SPAG16: variants seen among roughly 807,000 people sequenced by gnomAD.
SPAG16 encodes sperm associated antigen 16, also known as sperm-associated antigen 16 protein.
A neutral mutation model predicts 80.4 loss-of-function variants in SPAG16; 86 were observed. That is an observed-to-expected ratio of 1.07 (90% CI 0.90 to 1.28). The LOEUF (loss-of-function observed/expected upper bound fraction) is 1.28, where lower values mean the gene tolerates loss of function less well. SPAG16 is among the 50% of genes most tolerant of loss of function. SPAG16 has a pLI of 0.00. For synonymous variants in SPAG16, 294 were observed against 265.9 expected, an observed-to-expected ratio of 1.11 and a Z score of -1.03; for missense variants, 870 against 765.3, an observed-to-expected ratio of 1.14 and a Z score of -1.61.
chr2:213,677,694 C>T (rs534771354), intron 10 of SPAG16, among the ~76,000 whole-genome samples: 11 of 152,230 alleles, frequency 7.2e-5, no homozygotes, highest in Non-Finnish European at 1.0e-4. Context: ...CCACTGTCAA[C>T]GTTAGACAGA....
chr2:213,362,406 T>C (rs1257070514), intron 7 of SPAG16, among the ~76,000 whole-genome samples: 2 of 152,176 alleles, frequency 1.3e-5, no homozygotes, highest in East Asian at 3.9e-4. Context: ...AACTCAGCTG[T>C]TGAGTGTTGG....
At chr2:213,674,146 C>T (rs2063935094) in intron 10 of SPAG16, among the ~76,000 whole-genome samples, 2 of 152,074 alleles carry the variant, frequency 1.3e-5, no homozygotes, top group Non-Finnish European at 2.9e-5. Flanking sequence ...GACCGACCTG[C>T]TGAAGTAAAA....
chr2:214,085,449 T>C (rs984655618), intron 13 of SPAG16, among the ~76,000 whole-genome samples: 63 of 112,172 alleles, frequency 5.6e-4, no homozygotes, highest in South Asian at 2.9e-4. Flanking sequence ...AGTCTCCATA[T>C]GTTGGTATGG....
intron 9 of SPAG16, among the ~76,000 whole-genome samples, chr2:213,377,929 A>T (rs2066974535): frequency 1.3e-5 from 2 of 149,912 alleles, no homozygotes; most frequent in African/African-American, 4.9e-5. Flanking sequence ...CTTTAGAAGG[A>T]TAGAACTAAT....
intron 10 of SPAG16, among the ~76,000 whole-genome samples, chr2:213,587,173 A>C (rs758347480): frequency 1.3e-5 from 2 of 152,134 alleles, no homozygotes; most frequent in Admixed American, 1.3e-4. Flanking sequence ...GACTCTGACA[A>C]TGAGGCAATT....
chr2:213,940,660 A>T (rs1282997006), intron 12 of SPAG16, among the ~76,000 whole-genome samples: 1 of 151,558 alleles, frequency 6.6e-6, no homozygotes, highest in Non-Finnish European at 1.5e-5. Context: ...TAACTTCACT[A>T]CTTTACATAC....
At chr2:214,013,572 A>G (rs1005008433) in intron 12 of SPAG16, among the ~76,000 whole-genome samples, 2 of 152,158 alleles carry the variant, frequency 1.3e-5, no homozygotes, top group African/African-American at 4.8e-5. Flanking sequence ...CGGAGAAGCA[A>G]TTAAGAAAAG....
At chr2:213,889,622 T>TATATAC (rs900446259) in intron 11 of SPAG16, among the ~76,000 whole-genome samples, 1 of 150,148 alleles carries the variant, frequency 6.7e-6, no homozygotes, top group African/African-American at 2.4e-5. Flanking sequence ...ACAAAATATA[T>TATATAC]ATATACATAT....
At position 213,489,538 on chromosome 2, in the gene SPAG16, C is replaced by T. The variant is rs114809702; in HGVS notation, c.943-425C>T. 5.4e-3 allele frequency among the ~76,000 whole-genome samples: 828 copies of T among 152,148 alleles called. 5 individuals are homozygous for T. Among genetic ancestry groups the T allele is most frequent in the Non-Finnish European group, 7.6e-3 (519 of 68,016 alleles). The stretch of plus-strand genomic sequence containing the variant: ...CAATTAGCAAATGTTAACTTTGTTA[C>T]CCAATGAAAGTGTTTTTAGTCGGCC... On this transcript the variant is annotated intron_variant, in intron 9 of 15. Transcript: ENST00000331683.
chr2:214,324,951 A>C (rs1696371063), intron 15 of SPAG16, among the ~76,000 whole-genome samples: 1 of 152,262 alleles, frequency 6.6e-6, no homozygotes, highest in Non-Finnish European at 1.5e-5. Flanking sequence ...CATGTCATAA[A>C]TGACCATCTG....
intron 10 of SPAG16, among the ~76,000 whole-genome samples, chr2:213,834,063 C>G (rs141935787): frequency 8.1e-4 from 124 of 152,200 alleles, no homozygotes; most frequent in African/African-American, 2.9e-3. Context: ...GTCTCATGAG[C>G]TCTGATGGGT....
intron 9 of SPAG16, among the ~76,000 whole-genome samples, chr2:213,422,946 C>A (rs1020784338): frequency 5.9e-5 from 9 of 152,316 alleles, no homozygotes; most frequent in Admixed American, 4.6e-4. Flanking sequence ...CTTCCCTGCC[C>A]TAGCAGGGAT....
At chr2:213,736,411 C>G (rs1464322291) in intron 10 of SPAG16, among the ~76,000 whole-genome samples, 1 of 151,948 alleles carries the variant, frequency 6.6e-6, no homozygotes, top group East Asian at 1.9e-4. Context: ...TTTCAGCCTT[C>G]CAAGTAGCTG....
chr2:213,804,682 CAACT>C (rs75058174), intron 10 of SPAG16, among the ~76,000 whole-genome samples: 38,635 of 148,552 alleles, frequency 0.26, 5,216 homozygotes, highest in Admixed American at 0.34. Flanking sequence ...GACTCCGTCT[CAACT>C]AACTAACTAA....
chr2:213,485,152 G>A (rs921428502), intron 9 of SPAG16, among the ~76,000 whole-genome samples: 1 of 151,874 alleles, frequency 6.6e-6, no homozygotes, highest in Admixed American at 6.6e-5. Context: ...GAGCCACCAT[G>A]CCTGGCTAAT....
chr2:213,886,244 A>C (rs1316794582), intron 11 of SPAG16, among the ~76,000 whole-genome samples: 1 of 152,142 alleles, frequency 6.6e-6, no homozygotes, highest in Admixed American at 6.6e-5. Flanking sequence ...GGAGAAAATT[A>C]GAGTAATATT....
At chr2:214,094,657 A>G (rs1205713521) in intron 13 of SPAG16, among the ~76,000 whole-genome samples, 3 of 152,138 alleles carry the variant, frequency 2.0e-5, no homozygotes, top group African/African-American at 7.2e-5. Flanking sequence ...CACAGAACTT[A>G]CACAATTTGT....
intron 10 of SPAG16, among the ~76,000 whole-genome samples, chr2:213,641,994 G>A (rs1287245899): frequency 6.6e-6 from 1 of 152,160 alleles, no homozygotes; most frequent in African/African-American, 2.4e-5. Context: ...ACAGCATGGG[G>A]AAACCATCCA....
At position 213,309,546 on chromosome 2, in the gene SPAG16, A is replaced by G. The variant is rs1456145128; in HGVS notation, c.280-513A>G. On this transcript the variant is annotated intron_variant, in intron 3 of 15. Transcript: ENST00000331683. ...TATGTGCTATTGAAAGGGCAAACCT[A>G]CCTTCTTACTATCCTTTAGACAATC... is the stretch of plus-strand genomic sequence containing the variant. Among the ~76,000 whole-genome samples, 4 of 151,666 alleles carry G rather than the reference A, an allele frequency of 2.6e-5. No homozygotes were observed. The East Asian group carries it at 7.7e-4, about 29-fold the overall frequency.
Sources: allele counts gnomAD v4.1 joint callset (sites outside exome capture counted in the v4.1 genomes callset), GRCh38; gene constraint gnomAD v4.1.1; transcripts MANE v1.5; gene names NCBI Gene and HGNC (gene_info 2026-07-23, HGNC 2026-07-21).